CTNNBL1: variants seen among roughly 807,000 people sequenced by gnomAD.
CTNNBL1 encodes the protein catenin beta like 1.
CTNNBL1 carries 31 observed loss-of-function variants against 72.7 expected under a neutral mutation model. That is an observed-to-expected ratio of 0.43 (90% CI 0.32 to 0.58). CTNNBL1 has a LOEUF of 0.58. CTNNBL1 is among the 20% of genes least tolerant of loss of function. The probability of loss-of-function intolerance (pLI) is 0.08; values close to 1 mark genes in which losing one functional copy is unlikely to be tolerated. For synonymous variants in CTNNBL1, 240 were observed against 267.3 expected (o/e 0.90, Z 1.00); for missense variants, 534 against 725.1 (o/e 0.74, Z 3.03).
intron 10 of CTNNBL1, among the ~76,000 whole-genome samples, chr20:37,786,926 G>A (rs1435769615): frequency 6.6e-6 from 1 of 152,080 alleles, no homozygotes; most frequent in East Asian, 1.9e-4. Context: ...TACTTGGGTA[G>A]TTTTTATAAA....
In CTNNBL1 at chr20:37,694,078, T is replaced by C; in HGVS notation, c.-45T>C. ...AGCCGCGGCTGACGGGCCCGCGGTCTGGGCGTGAGTGCAGGGAAGTGGAGT... is the reference window on the plus strand; with the variant it reads ...AGCCGCGGCTGACGGGCCCGCGGTCCGGGCGTGAGTGCAGGGAAGTGGAGT... On this transcript the variant is annotated 5_prime_UTR_variant, in exon 1 of 16. Coordinates refer to ENST00000361383, the MANE Select transcript of CTNNBL1 (RefSeq NM_030877.5). The C allele has an allele frequency of 6.3e-7, 1 of 1,594,692 alleles. No individual in the cohort carries two copies. Among genetic ancestry groups the C allele is most frequent in the Non-Finnish European group, 8.5e-7 (1 of 1,172,170 alleles).
At chr20:37,788,028 A>G (rs2073693864) in intron 10 of CTNNBL1, among the ~76,000 whole-genome samples, 1 of 152,056 alleles carries the variant, frequency 6.6e-6, no homozygotes, top group Non-Finnish European at 1.5e-5. Context: ...AGATCCCTTG[A>G]CACATTTTGT....
chr20:37,846,248 A>G (rs2072346392), intron 13 of CTNNBL1, among the ~76,000 whole-genome samples: 1 of 152,094 alleles, frequency 6.6e-6, no homozygotes, highest in African/African-American at 2.4e-5. Context: ...AGGGATATCT[A>G]GGGCATTTCC....
chr20:37,694,150 C>T lies in CTNNBL1; in HGVS notation c.28C>T (p.Gln10Ter). ...GGACGTGGGCGAACTTCTGAGCTAC[C>T]AGGTATGAGGGGCAGGGAGGGCCGA... MDVGELLSY[Q>*]PNRGTKRPRD... The change falls in exon 1 of 16, where the codon CAG becomes TAG. Residue 10 changes from glutamine (Q) to a stop codon, truncating the protein, a stop_gained and splice_region_variant. Transcript: ENST00000361383. LOFTEE classifies it high-confidence loss of function. 1 of 1,600,146 alleles carries T rather than the reference C, an allele frequency of 6.2e-7. No homozygotes were observed. The highest frequency in any genetic ancestry group is 8.5e-7 in the Non-Finnish European group (1 of 1,174,200).
At chr20:37,782,023 G>A (rs926703060) in intron 10 of CTNNBL1, among the ~76,000 whole-genome samples, 6 of 152,008 alleles carry the variant, frequency 3.9e-5, no homozygotes, top group South Asian at 2.1e-4. Flanking sequence ...TCTGAAAACC[G>A]GCACTAATAA....
chr20:37,738,863 G>C (rs112275176), intron 3 of CTNNBL1, among the ~76,000 whole-genome samples: 1 of 152,186 alleles, frequency 6.6e-6, no homozygotes, highest in Non-Finnish European at 1.5e-5. Context: ...GTGTCAGCGG[G>C]CACAGAGTCT....
At chr20:37,703,081 A>G (rs1265484829) in intron 1 of CTNNBL1, among the ~76,000 whole-genome samples, 2 of 152,162 alleles carry the variant, frequency 1.3e-5, no homozygotes, top group Non-Finnish European at 2.9e-5. Flanking sequence ...CAAAACCTAT[A>G]TTCTTTGCTT....
intron 10 of CTNNBL1, among the ~76,000 whole-genome samples, chr20:37,787,309 A>G (rs954491116): frequency 2.0e-5 from 3 of 147,768 alleles, no homozygotes; most frequent in Non-Finnish European, 4.5e-5. Flanking sequence ...ATTTTGTGTT[A>G]CGTGTAACTC....
chr20:37,763,205 AT>A (rs2073434115), intron 5 of CTNNBL1, among the ~76,000 whole-genome samples: 1 of 152,130 alleles, frequency 6.6e-6, no homozygotes, highest in South Asian at 2.1e-4. Context: ...CATGGTTCAT[AT>A]TTTCCCCCCA....
At chr20:37,813,902 T>C (rs2072032619) in intron 11 of CTNNBL1, among the ~76,000 whole-genome samples, 2 of 152,234 alleles carry the variant, frequency 1.3e-5, no homozygotes, top group African/African-American at 4.8e-5. Flanking sequence ...TTATTAAAAT[T>C]GAACACTTAA....
intron 11 of CTNNBL1, among the ~76,000 whole-genome samples, chr20:37,824,082 T>G (rs1273564206): frequency 6.6e-6 from 1 of 152,234 alleles, no homozygotes; most frequent in Non-Finnish European, 1.5e-5. Context: ...TTAAATTACT[T>G]TAGATGAGCT....
In CTNNBL1 at chr20:37,777,340, C is replaced by T. The variant is rs776694609; in HGVS notation, c.751-5C>T. On this transcript the variant is annotated splice_region_variant and splice_polypyrimidine_tract_variant and intron_variant, in intron 7 of 15. Coordinates refer to ENST00000361383, the MANE Select transcript of CTNNBL1 (RefSeq NM_030877.5). ...ATTTTTCTCATTTCTCCTATTTCCCCATAGGCAAAGATGCCTTTTGATGCC... is the reference window on the plus strand; with the variant it reads ...ATTTTTCTCATTTCTCCTATTTCCCTATAGGCAAAGATGCCTTTTGATGCC... 4.2e-5 allele frequency: 68 copies of T among 1,612,448 alleles called. No homozygotes were observed. Among genetic ancestry groups the T allele is most frequent in the Non-Finnish European group, 6.8e-6 (8 of 1,178,606 alleles).
chr20:37,801,242 G>A (rs1461239479), intron 10 of CTNNBL1, among the ~76,000 whole-genome samples: 1 of 151,812 alleles, frequency 6.6e-6, no homozygotes, highest in African/African-American at 2.4e-5. Flanking sequence ...TATTACTTTG[G>A]TCTCCCCAGA....
intron 1 of CTNNBL1, among the ~76,000 whole-genome samples, chr20:37,714,994 C>A (rs1297935751): frequency 6.6e-6 from 1 of 152,162 alleles, no homozygotes; most frequent in Admixed American, 6.5e-5. Context: ...ACCTCACCCC[C>A]CCGTTCACGT....
intron 4 of CTNNBL1, among the ~76,000 whole-genome samples, chr20:37,749,147 G>A (rs889559906): frequency 1.3e-5 from 2 of 152,158 alleles, no homozygotes; most frequent in Non-Finnish European, 2.9e-5. Flanking sequence ...TTTTCAGTCC[G>A]GTGTTCCTCC....
At position 37,746,613 on chromosome 20, in the gene CTNNBL1, C is replaced by T; in HGVS notation, c.466+6C>T. 6.2e-7 allele frequency: 1 copy of T among 1,614,022 alleles called. No homozygotes were observed. The highest frequency in any genetic ancestry group is 8.5e-7 in the Non-Finnish European group (1 of 1,179,914). On this transcript the variant is annotated splice_donor_region_variant and intron_variant, in intron 4 of 15. Transcript: ENST00000361383. ...GCTCGGACACGATAATACAGATATC[C>T]TTTCAGATCTGACCTCAGTAGGAGA... is the stretch of plus-strand genomic sequence containing the variant.
At chr20:37,694,240 G>C in intron 1 of CTNNBL1, 88 bp downstream of exon 1, 1 of 1,235,584 alleles carries the variant, frequency 8.1e-7, no homozygotes, top group Non-Finnish European at 1.1e-6. Context: ...ACCTCCTCTC[G>C]CCTCACTCCC....
At chr20:37,726,113 A>T (rs1004824521) in intron 1 of CTNNBL1, among the ~76,000 whole-genome samples, 6 of 152,234 alleles carry the variant, frequency 3.9e-5, no homozygotes, top group African/African-American at 1.4e-4. Flanking sequence ...GGAGTAACTT[A>T]CTTTCCAGGA....
At chr20:37,787,333 A>T (rs1358084804) in intron 10 of CTNNBL1, among the ~76,000 whole-genome samples, 2 of 144,600 alleles carry the variant, frequency 1.4e-5, no homozygotes, top group Non-Finnish European at 3.0e-5. Context: ...TTAAAGACAC[A>T]TAACTGTGTG....
Sources: allele counts gnomAD v4.1 joint callset (sites outside exome capture counted in the v4.1 genomes callset), GRCh38; gene constraint gnomAD v4.1.1; transcripts MANE v1.5; gene names NCBI Gene and HGNC (gene_info 2026-07-23, HGNC 2026-07-21).